The following HMGB1 variants were observed in gnomAD, a reference collection of about 807,000 sequenced individuals.
HMGB1 encodes high mobility group box 1.
For synonymous variants in HMGB1, 81 were observed against 84.0 expected (o/e 0.96, Z 0.19); for missense variants, 79 against 253.5 (o/e 0.31, Z 4.67).
At chr13:30,505,322 G>GCAT (rs1887830034) in intron 1 of HMGB1, among the ~76,000 whole-genome samples, 1 of 152,050 alleles carries the variant, frequency 6.6e-6, no homozygotes, top group Admixed American at 6.6e-5. Context: ...GGGATTACAG[G>GCAT]TGCGTGCCAC....
At chr13:30,609,407 A>G (rs1401789337) in intron 1 of HMGB1, among the ~76,000 whole-genome samples, 1 of 152,240 alleles carries the variant, frequency 6.6e-6, no homozygotes, top group African/African-American at 2.4e-5. Flanking sequence ...CTGCAGTTTT[A>G]ACAAGTTCCC....
At chr13:30,519,450 C>A (rs1326971335) in intron 1 of HMGB1, among the ~76,000 whole-genome samples, 2 of 151,000 alleles carry the variant, frequency 1.3e-5, no homozygotes, top group Non-Finnish European at 2.9e-5. Context: ...AATCCCAGCA[C>A]TTTGGGAGGC....
chr13:30,503,447 T>C (rs1887781612), intron 1 of HMGB1, among the ~76,000 whole-genome samples: 1 of 128,356 alleles, frequency 7.8e-6, no homozygotes, highest in African/African-American at 2.6e-5. Context: ...TAAAAATATA[T>C]GAATAAATAA....
At chr13:30,610,367 G>A (rs1950502727) in intron 1 of HMGB1, among the ~76,000 whole-genome samples, 1 of 152,214 alleles carries the variant, frequency 6.6e-6, no homozygotes, top group African/African-American at 2.4e-5. Context: ...AGTGCTAGGA[G>A]TTGGAAAAGG....
At chr13:30,602,467 C>A (rs778331005) in intron 1 of HMGB1, among the ~76,000 whole-genome samples, 1 of 152,076 alleles carries the variant, frequency 6.6e-6, no homozygotes, top group Non-Finnish European at 1.5e-5. Context: ...TATTACAGTT[C>A]GACTAAAAAC....
intron 1 of HMGB1, among the ~76,000 whole-genome samples, chr13:30,539,135 G>T (rs540931711): frequency 2.6e-5 from 4 of 152,302 alleles, no homozygotes; most frequent in Non-Finnish European, 2.9e-5. Context: ...GACCTTAAGT[G>T]ATCCGCCCGC....
intron 1 of HMGB1, among the ~76,000 whole-genome samples, chr13:30,510,357 C>T (rs1887965212): frequency 6.6e-6 from 1 of 152,180 alleles, no homozygotes; most frequent in South Asian, 2.1e-4. Flanking sequence ...AAATCCTTTC[C>T]CCATTTTTAA....
intron 1 of HMGB1, among the ~76,000 whole-genome samples, chr13:30,519,392 CAAA>C (rs59577109): frequency 2.5e-5 from 2 of 78,824 alleles, no homozygotes; most frequent in African/African-American, 4.7e-5. Flanking sequence ...CACTCTGTCT[CAAA>C]AAAAAAAAAA....
At chr13:30,472,341 T>G (rs1318602654) in intron 1 of HMGB1, among the ~76,000 whole-genome samples, 1 of 151,864 alleles carries the variant, frequency 6.6e-6, no homozygotes, top group Non-Finnish European at 1.5e-5. Flanking sequence ...TGGCTCACAC[T>G]GGTAATCCCA....
chr13:30,459,330 A>G lies in HMGB1; in HGVS notation c.*2027T>C, dbSNP rs1886156360. On this transcript the variant is annotated 3_prime_UTR_variant, in exon 5 of 5. Transcript: ENST00000341423. ...GTGGTCAAGAATAAACCCTAAAAAA[A>G]CTGTTCCCATTCTCAACATCTTAAA... 1.3e-5 allele frequency: 2 copies of G among 152,202 alleles called. No homozygotes were observed. Among genetic ancestry groups the G allele is most frequent in the South Asian group, 4.1e-4 (2 of 4,832 alleles). The allele number at this position is 152,202 out of a possible 1,614,324, so 9.4% of individuals were successfully genotyped here. A position where few individuals can be genotyped will look rare whatever the true frequency, so the allele number is the denominator to read the frequency against.
At chr13:30,610,340 C>T (rs915003495) in intron 1 of HMGB1, among the ~76,000 whole-genome samples, 3 of 152,054 alleles carry the variant, frequency 2.0e-5, no homozygotes, top group African/African-American at 7.2e-5. Flanking sequence ...ATGGTAAGTG[C>T]AACAACTCTA....
chr13:30,464,847 A>T (rs1367269425), intron 1 of HMGB1: 4 of 145,368 alleles, frequency 2.8e-5, no homozygotes, highest in Non-Finnish European at 5.7e-5. Context: ...GCGGGGTGCG[A>T]GCCGCGCTCT....
chr13:30,588,889 C>T (rs965839481), intron 1 of HMGB1, among the ~76,000 whole-genome samples: 7 of 151,994 alleles, frequency 4.6e-5, no homozygotes, highest in Non-Finnish European at 1.0e-4. Context: ...TGCACTCCAG[C>T]CTGGGTGACA....
chr13:30,487,311 G>C (rs1315446768), intron 1 of HMGB1, among the ~76,000 whole-genome samples: 1 of 152,214 alleles, frequency 6.6e-6, no homozygotes, highest in Non-Finnish European at 1.5e-5. Flanking sequence ...TTCAACACTT[G>C]GTGCCTTCAT....
intron 1 of HMGB1, chr13:30,554,496 C>G: frequency 1.9e-6 from 2 of 1,034,352 alleles, no homozygotes; most frequent in Non-Finnish European, 3.0e-6. Flanking sequence ...ATAGAAGGAG[C>G]AAAATGTATA....
At chr13:30,602,799 G>C (rs1950416506) in intron 1 of HMGB1, among the ~76,000 whole-genome samples, 1 of 152,212 alleles carries the variant, frequency 6.6e-6, no homozygotes, top group South Asian at 2.1e-4. Flanking sequence ...CCTTGTCTGA[G>C]AGAAACACAT....
At chr13:30,518,927 A>C (rs1397800613) in intron 1 of HMGB1, among the ~76,000 whole-genome samples, 3 of 150,420 alleles carry the variant, frequency 2.0e-5, no homozygotes, top group Non-Finnish European at 4.4e-5. Flanking sequence ...ATTTTTGTAG[A>C]GATGGGGGCT....
chr13:30,481,910 A>G (rs1443747187), intron 1 of HMGB1, among the ~76,000 whole-genome samples: 1 of 151,880 alleles, frequency 6.6e-6, no homozygotes, highest in Non-Finnish European at 1.5e-5. Context: ...GCTCACCACA[A>G]CCTCCGCCTC....
chr13:30,567,419 C>T (rs1179526847), intron 1 of HMGB1, among the ~76,000 whole-genome samples: 2 of 150,016 alleles, frequency 1.3e-5, no homozygotes, highest in African/African-American at 4.9e-5. Context: ...TCTTGGTTCA[C>T]TGCAACCTCC....
Sources: allele counts gnomAD v4.1 joint callset (sites outside exome capture counted in the v4.1 genomes callset), GRCh38; gene constraint gnomAD v4.1.1; transcripts MANE v1.5; gene names NCBI Gene and HGNC (gene_info 2026-07-23, HGNC 2026-07-21).